Variants in EXO5 observed in about 807,000 individuals in gnomAD.
EXO5 encodes exonuclease V.
A neutral mutation model predicts 17.8 loss-of-function variants in EXO5; 11 were observed. That is an observed-to-expected ratio of 0.62 (90% CI 0.39 to 1.02). The LOEUF (loss-of-function observed/expected upper bound fraction) is 1.02. Among genes scored for constraint, EXO5 ranks in the 50% least tolerant of loss-of-function variants. The probability of loss-of-function intolerance (pLI) is 0.00; values close to 1 mark genes in which losing one functional copy is unlikely to be tolerated. For synonymous variants in EXO5, 147 were observed against 166.5 expected (o/e 0.88, Z 0.90); for missense variants, 364 against 434.8 (o/e 0.84, Z 1.45).
chr1:40,513,550 A>C (rs1418128529), intron 3 of EXO5, among the ~76,000 whole-genome samples: 1 of 151,620 alleles, frequency 6.6e-6, no homozygotes, highest in Non-Finnish European at 1.5e-5. Context: ...AGTCAATAGA[A>C]TTTTGAAGCA....
At chr1:40,514,239 A>T (rs1278484894) in intron 3 of EXO5, among the ~76,000 whole-genome samples, 1 of 151,490 alleles carries the variant, frequency 6.6e-6, no homozygotes, top group African/African-American at 2.4e-5. Flanking sequence ...GAGATCGCGC[A>T]ACTGCACTCC....
chr1:40,515,466 G>A lies in EXO5; in HGVS notation c.922G>A (p.Val308Ile). 1 of 1,613,992 alleles carries A rather than the reference G, an allele frequency of 6.2e-7. No homozygotes were observed. Among genetic ancestry groups the A allele is most frequent in the Non-Finnish European group, 8.5e-7 (1 of 1,180,004 alleles). The change falls in exon 4 of 4, where the codon GTA (valine) becomes ATA (isoleucine). Residue 308 changes from valine (V) to isoleucine (I), a missense_variant. Val to Ile is a conservative substitution (Grantham distance 29, BLOSUM62 3). Transcript: ENST00000415550. ...TGCCACTGTGCTGGGTACTGAGATT[G>A]TAGCCTTCAAAGAGAAGGAGGTGAG... is the stretch of plus-strand genomic sequence containing the variant. Reference protein sequence around the residue: ...ETATVLGTEIVAFKEKEVRAK... With the variant: ...ETATVLGTEIIAFKEKEVRAK...
At chr1:40,512,022 G>A (rs1029700636) in intron 3 of EXO5, among the ~76,000 whole-genome samples, 2 of 152,080 alleles carry the variant, frequency 1.3e-5, no homozygotes, top group Admixed American at 6.5e-5. Context: ...CGGACTACAG[G>A]CACCCACCAC....
In EXO5 at chr1:40,515,143, G is replaced by A. The variant is rs375961061; in HGVS notation, c.599G>A (p.Arg200His). The change falls in exon 4 of 4, where the codon CGC becomes CAC. Residue 200 changes from arginine to histidine, a missense_variant. Coordinates refer to ENST00000415550, the MANE Select transcript of EXO5 (RefSeq NM_001346953.2). ...GELELAELKT[R>H]RRPMLPLEAQ... ...CTGGAGCTGGCGGAACTCAAGACAC[G>A]CAGGCGCCCTATGCTCCCTCTGGAA... 2.7e-5 allele frequency: 44 copies of A among 1,614,002 alleles called. No individual in the cohort carries two copies. The highest frequency in any genetic ancestry group is 1.9e-4 in the African/African-American group (14 of 74,884).
Position 40,515,827 on chromosome 1 carries a change from T to C in EXO5, c.*161T>C, listed in dbSNP as rs1281664713. The C allele has an allele frequency of 2.8e-6, 2 of 708,872 alleles. No homozygotes were observed. Among genetic ancestry groups the C allele is most frequent in the East Asian group, 2.8e-5 (1 of 36,224 alleles). The allele number at this position is 708,872 out of a possible 1,614,324, so 43.9% of individuals were successfully genotyped here. ...ACCACATTCAGTCCAGGACCAAGGCTCAGGGATGAGTGGGAGAGATGGGTT... is the reference window on the plus strand; with the variant it reads ...ACCACATTCAGTCCAGGACCAAGGCCCAGGGATGAGTGGGAGAGATGGGTT... On this transcript the variant is annotated 3_prime_UTR_variant, in exon 4 of 4. Transcript: ENST00000415550.
rs201027512 is a variant in EXO5, at chr1:40,515,184, G to A, written c.640G>A (p.Asp214Asn). ...CCCTCTGGAAGCTCAGAAGAAGAAA[G>A]ACTGTTTTCAAGTCAGCCTATACAA... is the stretch of plus-strand genomic sequence containing the variant. ...MLPLEAQKKK[D>N]CFQVSLYKYI... Residue 214 changes from aspartate (D) to asparagine (N), a missense_variant, in exon 4 of 4, where the codon GAC becomes AAC. Asp to Asn is a conservative substitution (Grantham distance 23, BLOSUM62 1). Coordinates refer to ENST00000415550, the MANE Select transcript of EXO5 (RefSeq NM_001346953.2). 8.2e-5 allele frequency: 133 copies of A among 1,614,094 alleles called. No individual in the cohort carries two copies. Among genetic ancestry groups the A allele is most frequent in the Non-Finnish European group, 1.1e-4 (130 of 1,180,026 alleles).
chr1:40,515,638 T>G lies in EXO5; in HGVS notation c.1094T>G (p.Leu365Arg). Reference protein sequence around the residue: ...RKGSGVLSSTLAPQVKKAK With the variant: ...RKGSGVLSSTRAPQVKKAK ...GGCAGTGGAGTGCTCAGCTCTACACTGGCGCCCCAAGTCAAAAAAGCCAAA... is the reference window on the plus strand; with the variant it reads ...GGCAGTGGAGTGCTCAGCTCTACACGGGCGCCCCAAGTCAAAAAAGCCAAA... Residue 365 changes from leucine to arginine, a missense_variant, in exon 4 of 4, where the codon CTG becomes CGG. Coordinates refer to ENST00000415550, the MANE Select transcript of EXO5 (RefSeq NM_001346953.2). 6.2e-7 allele frequency: 1 copy of G among 1,610,828 alleles called. No individual in the cohort carries two copies. Among genetic ancestry groups the G allele is most frequent in the Non-Finnish European group, 8.5e-7 (1 of 1,178,930 alleles).
intron 3 of EXO5, among the ~76,000 whole-genome samples, chr1:40,511,089 G>T (rs1645768602): frequency 6.6e-6 from 1 of 152,142 alleles, no homozygotes; most frequent in Non-Finnish European, 1.5e-5. Flanking sequence ...ACAAAAATTA[G>T]CTGGGCGCGG....
intron 3 of EXO5, among the ~76,000 whole-genome samples, chr1:40,510,066 T>C (rs1055145566): frequency 2.0e-5 from 3 of 152,182 alleles, no homozygotes; most frequent in Non-Finnish European, 4.4e-5. Flanking sequence ...CAGGATTAGG[T>C]TTAGAATCCA....
rs1645839873 is a variant in EXO5, at chr1:40,514,475, T to G, written c.-30-40T>G. ...AAATTTGAAAGTGCTTTTGAGAACG[T>G]TTTTATTTGAACAATGCATTTCTTT... is the stretch of plus-strand genomic sequence containing the variant. On this transcript the variant is annotated intron_variant, in intron 3 of 3. Coordinates refer to ENST00000415550, the MANE Select transcript of EXO5 (RefSeq NM_001346953.2). 2.7e-6 allele frequency: 4 copies of G among 1,467,416 alleles called. No homozygotes were observed. The South Asian group carries it at 4.2e-5, about 16-fold the overall frequency. The allele number at this position is 1,467,416 out of a possible 1,614,324, so 90.9% of individuals were successfully genotyped here.
chr1:40,514,857 T>G lies in EXO5; in HGVS notation c.313T>G (p.Phe105Val), dbSNP rs780642620. Residue 105 changes from phenylalanine (F) to valine (V), a missense_variant, in exon 4 of 4, where the codon TTC becomes GTC. Coordinates refer to ENST00000415550, the MANE Select transcript of EXO5 (RefSeq NM_001346953.2). ...QTAYGKELPG[F>V]LAPEKAAVLD... is the part of the protein sequence containing the mutation. Reference sequence around the variant, plus strand: ...AGCATATGGGAAGGAGCTTCCTGGTTTCTTGGCACCTGAGAAGGCAGCTGT... The same window carrying G: ...AGCATATGGGAAGGAGCTTCCTGGTGTCTTGGCACCTGAGAAGGCAGCTGT... 64 of 1,614,074 alleles carry G rather than the reference T, an allele frequency of 4.0e-5. No individual in the cohort carries two copies. Among genetic ancestry groups the G allele is most frequent in the Non-Finnish European group, 5.2e-5 (61 of 1,180,036 alleles).
intron 3 of EXO5, among the ~76,000 whole-genome samples, chr1:40,511,905 G>A (rs1396419003): frequency 6.6e-6 from 1 of 150,476 alleles, no homozygotes; most frequent in Admixed American, 6.6e-5. Flanking sequence ...TTGAGACGGA[G>A]TCTCGCTCTG....
In EXO5 at chr1:40,509,473, A is replaced by G. The variant is rs1313680179; in HGVS notation, c.-241A>G. The G allele has an allele frequency of 6.6e-6, 1 of 152,228 alleles. No individual in the cohort carries two copies. Among genetic ancestry groups the G allele is most frequent in the Non-Finnish European group, 1.5e-5 (1 of 68,094 alleles). 9.4% of individuals were successfully genotyped at this position (152,228 alleles called of 1,614,324 possible). ...CAGGGAGCAGGGATTGGATCAAGTCATTGCATCTAGAGTACGGGGGAACGA... is the reference window on the plus strand; with the variant it reads ...CAGGGAGCAGGGATTGGATCAAGTCGTTGCATCTAGAGTACGGGGGAACGA... On this transcript the variant is annotated 5_prime_UTR_variant, in exon 2 of 4. Coordinates refer to ENST00000415550, the MANE Select transcript of EXO5 (RefSeq NM_001346953.2).
At chr1:40,510,578 G>C (rs1027533040) in intron 3 of EXO5, among the ~76,000 whole-genome samples, 6 of 152,176 alleles carry the variant, frequency 3.9e-5, no homozygotes, top group African/African-American at 1.4e-4. Context: ...AAACAAGTAG[G>C]AACTCCATAC....
intron 3 of EXO5, among the ~76,000 whole-genome samples, chr1:40,510,761 G>C (rs1315505618): frequency 1.3e-5 from 2 of 152,210 alleles, no homozygotes; most frequent in Non-Finnish European, 2.9e-5. Flanking sequence ...TAGTGCAACT[G>C]AGATGTGAAT....
At chr1:40,512,066 G>C (rs1645788678) in intron 3 of EXO5, among the ~76,000 whole-genome samples, 1 of 152,058 alleles carries the variant, frequency 6.6e-6, no homozygotes, top group East Asian at 1.9e-4. Flanking sequence ...TTTTAGTAGA[G>C]ACAGGTTTCA....
Position 40,515,155 on chromosome 1 carries a change from T to TG in EXO5, c.612dup (p.Leu205AlafsTer22), listed in dbSNP as rs1645861266. On this transcript the variant is annotated frameshift_variant, in exon 4 of 4. Transcript: ENST00000415550. LOFTEE classifies it high-confidence loss of function. ...GAACTCAAGACACGCAGGCGCCCTA[T>TG]GCTCCCTCTGGAAGCTCAGAAGAAG... The TG allele has an allele frequency of 6.2e-7, 1 of 1,614,026 alleles. No individual in the cohort carries two copies. Among genetic ancestry groups the TG allele is most frequent in the Non-Finnish European group, 8.5e-7 (1 of 1,180,038 alleles).
chr1:40,514,859 C>G lies in EXO5; in HGVS notation c.315C>G (p.Phe105Leu), dbSNP rs150426595. 1.2e-6 allele frequency: 2 copies of G among 1,614,084 alleles called. No individual in the cohort carries two copies. Among genetic ancestry groups the G allele is most frequent in the Non-Finnish European group, 1.7e-6 (2 of 1,180,046 alleles). Residue 105 changes from phenylalanine to leucine, a missense_variant, in exon 4 of 4, where the codon TTC (phenylalanine) becomes TTG (leucine). Coordinates refer to ENST00000415550, the MANE Select transcript of EXO5 (RefSeq NM_001346953.2). ...CATATGGGAAGGAGCTTCCTGGTTTCTTGGCACCTGAGAAGGCAGCTGTGT... is the reference window on the plus strand; with the variant it reads ...CATATGGGAAGGAGCTTCCTGGTTTGTTGGCACCTGAGAAGGCAGCTGTGT... ...QTAYGKELPG[F>L]LAPEKAAVLD...
rs575787339 is a variant in EXO5 at position 40,510,047 on chromosome 1, CG to C, written c.-31+258del. Among the ~76,000 whole-genome samples the C allele has an allele frequency of 1.2e-4, 18 of 152,240 alleles. No homozygotes were observed. In the South Asian group the frequency reaches 3.5e-3, roughly 30 times the overall value. On this transcript the variant is annotated intron_variant, in intron 3 of 3. Transcript: ENST00000415550. Reference sequence around the variant, plus strand: ...CAAGTAGCATACTACTAAATGCTACCGAACTACTCAGGATTAGGTTTAGAAT... The same window carrying C: ...CAAGTAGCATACTACTAAATGCTACCAACTACTCAGGATTAGGTTTAGAAT...
Sources: gnomAD v4.1 joint callset for allele counts (sites outside exome capture counted in the v4.1 genomes callset) on GRCh38, gnomAD v4.1.1 for gene constraint, MANE v1.5 for transcripts, NCBI Gene and HGNC (gene_info 2026-07-23, HGNC 2026-07-21) for gene names.